PCDHGA2: variants seen among roughly 807,000 people sequenced by gnomAD.
PCDHGA2 encodes protocadherin gamma-A2.
Under a neutral mutation model 59.2 loss-of-function variants are expected in PCDHGA2, and 40 were observed. The ratio of observed to expected loss-of-function variants is 0.68; its 90% confidence interval spans 0.52 to 0.88. The LOEUF (loss-of-function observed/expected upper bound fraction) is 0.88. Among genes scored for constraint, PCDHGA2 ranks in the 40% least tolerant of loss-of-function variants. The pLI, the probability that PCDHGA2 is intolerant of heterozygous loss-of-function variation, is 0.00. For missense variants in PCDHGA2, 1,226 were observed against 1,204.0 expected (o/e 1.02, Z -0.27); for synonymous variants, 560 against 526.0 (o/e 1.06, Z -0.89).
chr5:141,352,112 C>G (rs1037474296), intron 1 of PCDHGA2: 5 of 1,607,318 alleles, frequency 3.1e-6, no homozygotes, highest in Non-Finnish European at 4.2e-6. Flanking sequence ...CCTGGGGTTG[C>G]GCACGGGTGA....
rs779735897 is a variant in PCDHGA2 at position 141,422,336 on chromosome 5, TA to T, written c.2425-72468del. 34 of 1,550,032 alleles carry T rather than the reference TA, an allele frequency of 2.2e-5. No individual in the cohort carries two copies. The East Asian group carries it at 7.2e-4, about 33-fold the overall frequency. On this transcript the variant is annotated intron_variant, in intron 1 of 3. Coordinates refer to ENST00000394576, the MANE Select transcript of PCDHGA2 (RefSeq NM_018915.4). ...CCTCCAGGTACAGTGATTGCTCTTC[TA>T]AATGTGCAAGATCAAGATTCTGGAG... is the stretch of plus-strand genomic sequence containing the variant.
At chr5:141,465,923 C>G (rs908350232) in intron 1 of PCDHGA2, among the ~76,000 whole-genome samples, 2 of 152,062 alleles carry the variant, frequency 1.3e-5, no homozygotes, top group African/African-American at 4.8e-5. Flanking sequence ...GATTTCGAGT[C>G]CATCCTGGCT....
chr5:141,434,667 G>T (rs1464226862), intron 1 of PCDHGA2, among the ~76,000 whole-genome samples: 3 of 152,074 alleles, frequency 2.0e-5, no homozygotes, highest in East Asian at 3.9e-4. Context: ...CTATAGAAAT[G>T]ATGCTAATGA....
chr5:141,507,691 A>G (rs777728143), intron 3 of PCDHGA2, among the ~76,000 whole-genome samples: 72 of 152,198 alleles, frequency 4.7e-4, no homozygotes, highest in Non-Finnish European at 6.8e-4. Context: ...CAGAAATGAA[A>G]TCAGTATTTA....
In PCDHGA2 at chr5:141,511,106, G is replaced by A. The variant is rs536900646; in HGVS notation, c.2732G>A (p.Arg911Gln). 4.6e-5 allele frequency: 75 copies of A among 1,614,196 alleles called. No individual in the cohort carries two copies. In the East Asian group the frequency reaches 5.8e-4, roughly 12 times the overall value. Reference protein sequence around the residue: ...NATLTNAAGKRDGKAPAGGNG... With the variant: ...NATLTNAAGKQDGKAPAGGNG... ...ACACTGACCAACGCAGCTGGCAAGC[G>A]GGATGGCAAGGCCCCAGCAGGTGGC... The change falls in exon 4 of 4, where the codon CGG (arginine) becomes CAG (glutamine). Residue 911 changes from arginine (R) to glutamine (Q), a missense_variant. Coordinates refer to ENST00000394576, the MANE Select transcript of PCDHGA2 (RefSeq NM_018915.4).
At chr5:141,497,468 G>A (rs912445126) in intron 2 of PCDHGA2, among the ~76,000 whole-genome samples, 10 of 151,996 alleles carry the variant, frequency 6.6e-5, no homozygotes, top group African/African-American at 2.4e-4. Flanking sequence ...GAGATATGGA[G>A]GAGAAGGTGC....
Position 141,341,155 on chromosome 5 carries a change from A to T in PCDHGA2, c.2184A>T (p.Ser728=), listed in dbSNP as rs773803560. 2 of 1,613,776 alleles carry T rather than the reference A, an allele frequency of 1.2e-6. No homozygotes were observed. The highest frequency in any genetic ancestry group is 4.5e-5 in the East Asian group (2 of 44,878). ...ACAAGTCACGCCTGCTGCAGGCTTC[A>T]GGAGGCAGCTTGACAGGCATGCAGA... ...RWHKSRLLQA[S]GGSLTGMQSS... The change falls in exon 1 of 4, where the codon TCA becomes TCT. Residue 728 remains serine (S), a synonymous_variant. Coordinates refer to ENST00000394576, the MANE Select transcript of PCDHGA2 (RefSeq NM_018915.4).
At chr5:141,480,221 T>C (rs2099514536) in intron 1 of PCDHGA2, among the ~76,000 whole-genome samples, 1 of 149,748 alleles carries the variant, frequency 6.7e-6, no homozygotes, top group Admixed American at 6.7e-5. Context: ...CTGAGCGACA[T>C]AGTGAGATCC....
chr5:141,430,216 A>G (rs1487666733), intron 1 of PCDHGA2, among the ~76,000 whole-genome samples: 1 of 150,536 alleles, frequency 6.6e-6, no homozygotes, highest in Non-Finnish European at 1.5e-5. Flanking sequence ...TTATTATATT[A>G]TATGATTTGT....
At chr5:141,466,655 AT>A (rs754296083) in intron 1 of PCDHGA2, among the ~76,000 whole-genome samples, 3 of 152,206 alleles carry the variant, frequency 2.0e-5, no homozygotes, top group Non-Finnish European at 4.4e-5. Context: ...TTCACAAAAC[AT>A]CAGTGATTTC....
In PCDHGA2 at chr5:141,489,200, G is replaced by A. The variant is rs1483035320; in HGVS notation, c.2425-5607G>A. The A allele has an allele frequency of 2.8e-6, 4 of 1,412,792 alleles. No individual in the cohort carries two copies. The highest frequency in any genetic ancestry group is 3.9e-6 in the Non-Finnish European group (4 of 1,038,374). The allele number at this position is 1,412,792 out of a possible 1,614,324, so 87.5% of individuals were successfully genotyped here. A position where few individuals can be genotyped will look rare whatever the true frequency, so the allele number is the denominator to read the frequency against. On this transcript the variant is annotated intron_variant, in intron 1 of 3. Coordinates refer to ENST00000394576, the MANE Select transcript of PCDHGA2 (RefSeq NM_018915.4). This position sits in a 1 kb window ranked among gnomAD's most constrained non-coding sequence, Gnocchi z 4.5. ...AAGCCCTGGGTCTACCTTGGAGACAGGACAGCACAGACTTACTCTCCACAA... is the reference window on the plus strand; with the variant it reads ...AAGCCCTGGGTCTACCTTGGAGACAAGACAGCACAGACTTACTCTCCACAA...
At position 141,419,994 on chromosome 5, in the gene PCDHGA2, C is replaced by T. The variant is rs757658202; in HGVS notation, c.2425-74813C>T. 1.9e-6 allele frequency: 3 copies of T among 1,614,072 alleles called. No homozygotes were observed. Among genetic ancestry groups the T allele is most frequent in the East Asian group, 4.5e-5 (2 of 44,884 alleles). ...CTCCTCGCGGTGATTCTAGCTATTG[C>T]TCTACGCCTGCGACAGTCTTTCAGC... On this transcript the variant is annotated intron_variant, in intron 1 of 3. Coordinates refer to ENST00000394576, the MANE Select transcript of PCDHGA2 (RefSeq NM_018915.4).
intron 1 of PCDHGA2, chr5:141,379,281 T>G (rs1775489510): frequency 2.6e-5 from 4 of 152,252 alleles, no homozygotes; most frequent in Admixed American, 2.6e-4. Context: ...ATTTATTTAT[T>G]TCAAGTTTCC....
intron 1 of PCDHGA2, among the ~76,000 whole-genome samples, chr5:141,464,964 A>G (rs1433148254): frequency 6.6e-6 from 1 of 152,030 alleles, no homozygotes; most frequent in Non-Finnish European, 1.5e-5. Flanking sequence ...CTTGTCTTGA[A>G]CTACTGGCTT....
At chr5:141,409,511 A>C in intron 1 of PCDHGA2, 1 of 1,614,018 alleles carries the variant, frequency 6.2e-7, no homozygotes, top group Non-Finnish European at 8.5e-7. Flanking sequence ...TTCCAGTAGA[A>C]GCATCACCTT....
chr5:141,478,819 C>T, intron 1 of PCDHGA2: 8 of 1,447,842 alleles, frequency 5.5e-6, no homozygotes, highest in South Asian at 3.0e-5. Flanking sequence ...CACAACTAAC[C>T]AATCTTGCTA....
In PCDHGA2 at chr5:141,399,794, C is replaced by A. The variant is rs2093888579; in HGVS notation, c.2424+58399C>A. ...GTGGGCGACCGAAACGACAACGCAC[C>A]GCGGGTGCTGTACCCCGCGCTGGGT... is the stretch of plus-strand genomic sequence containing the variant. On this transcript the variant is annotated intron_variant, in intron 1 of 3. Transcript: ENST00000394576. 1.9e-6 allele frequency: 3 copies of A among 1,613,268 alleles called. No homozygotes were observed. The highest frequency in any genetic ancestry group is 1.1e-5 in the South Asian group (1 of 91,052).
chr5:141,423,569 T>A, intron 1 of PCDHGA2: 2 of 1,613,480 alleles, frequency 1.2e-6, no homozygotes, highest in Non-Finnish European at 1.7e-6. Context: ...GACACGCTCA[T>A]CAGCCAGGAG....
intron 1 of PCDHGA2, chr5:141,360,810 G>A: frequency 6.2e-7 from 1 of 1,613,878 alleles, no homozygotes; most frequent in East Asian, 2.2e-5. Context: ...AAAGTGGCAC[G>A]ACCCAAATCC....
Sources: allele counts gnomAD v4.1 joint callset (sites outside exome capture counted in the v4.1 genomes callset), GRCh38; gene constraint gnomAD v4.1.1; non-coding constraint Gnocchi (gnomAD v3.1); transcripts MANE v1.5; gene names NCBI Gene and HGNC (gene_info 2026-07-23, HGNC 2026-07-21).